The following DGKZ variants were observed in gnomAD, a reference collection of about 807,000 sequenced individuals.
DGKZ encodes diacylglycerol kinase zeta.
In DGKZ, 45 loss-of-function variants were observed where a neutral mutation model predicts 142.5. The observed-to-expected ratio is 0.32, with a 90% confidence interval of 0.25 to 0.40. DGKZ has a LOEUF of 0.40. Ranked by LOEUF, DGKZ falls within the 10% of genes least tolerant of loss-of-function variation. The probability of loss-of-function intolerance (pLI) is 1.00; values close to 1 mark genes in which losing one functional copy is unlikely to be tolerated. For missense variants in DGKZ, 755 were observed against 1,306.5 expected (o/e 0.58, Z 6.51); for synonymous variants, 442 against 527.0 (o/e 0.84, Z 2.21).
intron 4 of DGKZ, 84 bp downstream of exon 4, chr11:46,368,163 C>T: frequency 6.9e-7 from 1 of 1,439,040 alleles, no homozygotes; most frequent in Non-Finnish European, 9.7e-7. Flanking sequence ...ACATGTTATA[C>T]AAACGGCCTG....
intron 1 of DGKZ, among the ~76,000 whole-genome samples, chr11:46,335,298 G>C (rs1939959771): frequency 6.7e-6 from 1 of 148,658 alleles, no homozygotes; most frequent in African/African-American, 2.6e-5. Flanking sequence ...TGGCGACAGA[G>C]GGTGACTCCA....
intron 1 of DGKZ, among the ~76,000 whole-genome samples, chr11:46,361,309 C>T (rs1233177333): frequency 6.6e-6 from 1 of 152,200 alleles, no homozygotes; most frequent in Non-Finnish European, 1.5e-5. Context: ...CCTCCTTAGA[C>T]CTCGTTCCCA....
intron 1 of DGKZ, among the ~76,000 whole-genome samples, chr11:46,353,929 T>C (rs1270172434): frequency 6.6e-6 from 1 of 152,236 alleles, no homozygotes; most frequent in African/African-American, 2.4e-5. Flanking sequence ...ACAGCTTGCC[T>C]GTCTCTCCGC....
rs1384094773 is a variant in DGKZ, at chr11:46,367,938, G to A, written c.367-64G>A. The A allele has an allele frequency of 6.3e-7, 1 of 1,583,698 alleles. No homozygotes were observed. Among genetic ancestry groups the A allele is most frequent in the Non-Finnish European group, 8.7e-7 (1 of 1,153,098 alleles). ...GTGCACACAAAGGGCAGCTGTGCTGGGGCAGGCAGCCTCCGAGATAGACTT... is the reference window on the plus strand; with the variant it reads ...GTGCACACAAAGGGCAGCTGTGCTGAGGCAGGCAGCCTCCGAGATAGACTT... On this transcript the variant is annotated intron_variant, in intron 3 of 30. Coordinates refer to ENST00000527911, the Ensembl canonical transcript of DGKZ. This position sits in a 1 kb window ranked among gnomAD's most constrained non-coding sequence, Gnocchi z 4.1.
At chr11:46,334,067 G>A (rs1939893810) in intron 1 of DGKZ, among the ~76,000 whole-genome samples, 1 of 149,524 alleles carries the variant, frequency 6.7e-6, no homozygotes. Context: ...TAATTCAACT[G>A]TCTTCTGTCA....
chr11:46,377,875 C>A, intron 25 of DGKZ: 1 of 387,646 alleles, frequency 2.6e-6, no homozygotes, highest in Non-Finnish European at 4.7e-6. Flanking sequence ...TTGGCTGTTT[C>A]CTCCTTGGAG....
chr11:46,346,393 TCAGCCCTGC>T (rs1300281845), upstream of DGKZ, among the ~76,000 whole-genome samples: 1 of 109,224 alleles, frequency 9.2e-6, no homozygotes, highest in East Asian at 2.2e-4. Context: ...CCTCCCTTCG[TCAGCCCTGC>T]GGGGGCCATC....
chr11:46,366,941 C>G (rs776728114), intron 1 of DGKZ: 1 of 1,538,962 alleles, frequency 6.5e-7, no homozygotes, highest in East Asian at 2.4e-5. Flanking sequence ...GGTAGCCCTA[C>G]GGCGCAAGGC....
chr11:46,378,105 TG>T, intron 25 of DGKZ, 92 bp from the exon 26 acceptor site: 1 of 1,485,652 alleles, frequency 6.7e-7, no homozygotes. Context: ...CAATAAACTG[TG>T]GAAAGGATGA....
At chr11:46,374,319 G>C (rs1944304399) in intron 15 of DGKZ, 80 bp from the exon 16 acceptor site, 3 of 1,611,978 alleles carry the variant, frequency 1.9e-6, no homozygotes, top group Non-Finnish European at 2.5e-6. Context: ...GCCAGTGAAG[G>C]CATCCATCCC....
chr11:46,367,806 C>T lies in DGKZ; in HGVS notation c.366+59C>T. 17 of 1,602,796 alleles carry T rather than the reference C, an allele frequency of 1.1e-5. No homozygotes were observed. The highest frequency in any genetic ancestry group is 1.5e-5 in the Non-Finnish European group (17 of 1,171,502). On this transcript the variant is annotated intron_variant, in intron 3 of 30. Transcript: ENST00000527911. This position sits in a 1 kb window ranked among gnomAD's most constrained non-coding sequence, Gnocchi z 4.1. ...GGTGGAGCCAGTAGCCGCAGCCCTT[C>T]CGGGAACGTGGGATTGAGCCCGCTC...
intron 27 of DGKZ, 62 bp downstream of exon 27, chr11:46,378,562 C>A: frequency 1.2e-6 from 2 of 1,607,292 alleles, no homozygotes; most frequent in African/African-American, 2.7e-5. Context: ...GGGAGCGAGG[C>A]CTCTGGGTTG....
At chr11:46,355,987 C>T (rs1472228561) in intron 1 of DGKZ, among the ~76,000 whole-genome samples, 1 of 152,056 alleles carries the variant, frequency 6.6e-6, no homozygotes, top group Non-Finnish European at 1.5e-5. Context: ...CTCAGGTGAT[C>T]TGCCCGCCTC....
intron 1 of DGKZ, among the ~76,000 whole-genome samples, chr11:46,349,908 C>T (rs527534883): frequency 4.7e-4 from 71 of 152,296 alleles, no homozygotes; most frequent in African/African-American, 1.6e-3. Flanking sequence ...CTTCCCTTGG[C>T]GTGTCTGACC....
intron 1 of DGKZ, chr11:46,365,317 TC>T (rs1271656344): frequency 2.2e-5 from 22 of 985,236 alleles, no homozygotes; most frequent in Non-Finnish European, 2.5e-5. Context: ...CAGAAGGGTT[TC>T]CCGGCATCAC....
At chr11:46,376,029 G>T in intron 21 of DGKZ, 37 bp from the exon 22 acceptor site, 1 of 1,611,872 alleles carries the variant, frequency 6.2e-7, no homozygotes, top group Non-Finnish European at 8.5e-7. Context: ...AGGGCTGTGG[G>T]GTGCAGCCAG....
intron 1 of DGKZ, among the ~76,000 whole-genome samples, chr11:46,351,728 T>C (rs1941412480): frequency 6.6e-6 from 1 of 152,068 alleles, no homozygotes; most frequent in African/African-American, 2.4e-5. Flanking sequence ...GAAAGAAAAA[T>C]GGGCCTCAGT....
At chr11:46,376,998 A>G in intron 24 of DGKZ, 75 bp from the exon 25 acceptor site, 1 of 1,355,830 alleles carries the variant, frequency 7.4e-7, no homozygotes. Context: ...AGGCTTCTCC[A>G]GGTCTACCAG....
intron 5 of DGKZ, 157 bp downstream of exon 5, chr11:46,369,707 C>G: frequency 9.5e-7 from 1 of 1,052,784 alleles, no homozygotes; most frequent in Non-Finnish European, 1.4e-6. Flanking sequence ...CTAACTAGCG[C>G]TGCCTGCGGA....
Sources: allele counts gnomAD v4.1 joint callset (sites outside exome capture counted in the v4.1 genomes callset), GRCh38; gene constraint gnomAD v4.1.1; non-coding constraint Gnocchi (gnomAD v3.1); transcripts MANE v1.5; gene names NCBI Gene and HGNC (gene_info 2026-07-23, HGNC 2026-07-21).